The following ATF7IP2 variants were observed in gnomAD, a reference collection of about 807,000 sequenced individuals.
The protein encoded by ATF7IP2 is activating transcription factor 7-interacting protein 2.
ATF7IP2 carries 42 observed loss-of-function variants against 64.2 expected under a neutral mutation model. That is an observed-to-expected ratio of 0.65 (90% CI 0.51 to 0.85). The LOEUF is 0.85. Ranked by LOEUF, ATF7IP2 falls within the 40% of genes least tolerant of loss-of-function variation. The pLI is 0.00. For synonymous variants in ATF7IP2, 308 were observed against 272.8 expected (o/e 1.13, Z -1.27); for missense variants, 933 against 784.2 (o/e 1.19, Z -2.27).
At chr16:10,419,700 C>G (rs980814654) in intron 3 of ATF7IP2, 77 bp downstream of exon 3, 3 of 152,572 alleles carry the variant, frequency 2.0e-5, no homozygotes, top group African/African-American at 7.2e-5. Context: ...ATGGCTGCAA[C>G]TGGTGTGTGT....
At chr16:10,387,997 G>A (rs1214977277) in intron 1 of ATF7IP2, among the ~76,000 whole-genome samples, 3 of 151,974 alleles carry the variant, frequency 2.0e-5, no homozygotes, top group Admixed American at 2.0e-4. Flanking sequence ...CCTCCCTCCG[G>A]GTTCAAGTGA....
intron 8 of ATF7IP2, among the ~76,000 whole-genome samples, chr16:10,443,781 T>C (rs147791238): frequency 9.2e-5 from 14 of 152,092 alleles, no homozygotes; most frequent in Admixed American, 5.9e-4. Flanking sequence ...TCCTAAACCA[T>C]AGAGACAGCC....
rs142407824 is a variant in ATF7IP2, at chr16:10,423,649, G to A, written c.-160+4026G>A. On this transcript the variant is annotated intron_variant, in intron 3 of 13. Transcript: ENST00000562102. ...ACTCTTTTTCTTCAAAATAATGAGG[G>A]GGTGCAGAAGGGTAGGGACAAACCT... Among the ~76,000 whole-genome samples, 15 of 152,288 alleles carry A rather than the reference G, an allele frequency of 9.8e-5. No homozygotes were observed. The East Asian group carries it at 2.7e-3, about 27-fold the overall frequency.
intron 5 of ATF7IP2, among the ~76,000 whole-genome samples, chr16:10,431,816 A>C (rs377041250): frequency 1.6e-5 from 2 of 122,472 alleles, no homozygotes; most frequent in African/African-American, 6.5e-5. Context: ...TGGTAACCCT[A>C]TTTCTTTTTT....
intron 10 of ATF7IP2, among the ~76,000 whole-genome samples, chr16:10,473,015 C>T (rs953092915): frequency 6.6e-6 from 1 of 152,150 alleles, no homozygotes; most frequent in African/African-American, 2.4e-5. Flanking sequence ...AATTTTAAAG[C>T]TTTGCCTCCA....
chr16:10,389,632 T>C (rs901900139), intron 1 of ATF7IP2, among the ~76,000 whole-genome samples: 1 of 152,152 alleles, frequency 6.6e-6, no homozygotes, highest in Non-Finnish European at 1.5e-5. Context: ...CAAGAAACAG[T>C]ATGAAAATAT....
intron 6 of ATF7IP2, among the ~76,000 whole-genome samples, chr16:10,434,045 TCAC>T (rs1158417337): frequency 6.6e-6 from 1 of 152,072 alleles, no homozygotes; most frequent in Admixed American, 6.5e-5. Context: ...TTTGTAGATC[TCAC>T]CACAACCCAG....
intron 1 of ATF7IP2, among the ~76,000 whole-genome samples, chr16:10,406,189 T>C (rs2047635893): frequency 6.6e-6 from 1 of 152,044 alleles, no homozygotes; most frequent in African/African-American, 2.4e-5. Flanking sequence ...CACCACAGCC[T>C]CGACCTCCAC....
intron 9 of ATF7IP2, among the ~76,000 whole-genome samples, chr16:10,466,442 C>T (rs1567170242): frequency 6.6e-6 from 1 of 152,060 alleles, no homozygotes; most frequent in Non-Finnish European, 1.5e-5. Flanking sequence ...AGGTCTGATA[C>T]CACCAACCAG....
At chr16:10,466,340 T>C (rs1412049640) in intron 9 of ATF7IP2, among the ~76,000 whole-genome samples, 4 of 152,248 alleles carry the variant, frequency 2.6e-5, no homozygotes, top group Admixed American at 2.6e-4. Flanking sequence ...GAACATTCTT[T>C]TACATGTCTT....
intron 13 of ATF7IP2, 139 bp downstream of exon 13, chr16:10,481,103 T>C: frequency 3.2e-6 from 2 of 628,716 alleles, no homozygotes; most frequent in Non-Finnish European, 5.6e-6. Flanking sequence ...TACTTATTTA[T>C]ACAATTAAAA....
At chr16:10,461,997 C>G (rs2049389220) in intron 9 of ATF7IP2, among the ~76,000 whole-genome samples, 4 of 151,994 alleles carry the variant, frequency 2.6e-5, no homozygotes, top group South Asian at 4.1e-4. Flanking sequence ...ATGTATCTGT[C>G]TCTCTGTTAT....
At chr16:10,418,955 G>A (rs994701068) in intron 2 of ATF7IP2, among the ~76,000 whole-genome samples, 7 of 152,180 alleles carry the variant, frequency 4.6e-5, no homozygotes, top group Non-Finnish European at 1.0e-4. Flanking sequence ...GCCATGGCAC[G>A]CAGACTGAGA....
At chr16:10,425,054 A>ATTTT (rs59143669) in intron 3 of ATF7IP2, among the ~76,000 whole-genome samples, 1 of 132,190 alleles carries the variant, frequency 7.6e-6, no homozygotes, top group African/African-American at 2.9e-5. Context: ...TTTATATCAG[A>ATTTT]TTTTTTTTTT....
chr16:10,400,782 A>C (rs1175611572), intron 1 of ATF7IP2, among the ~76,000 whole-genome samples: 2 of 152,108 alleles, frequency 1.3e-5, no homozygotes, highest in Non-Finnish European at 2.9e-5. Context: ...CTTGGGTTCA[A>C]GTGATTCTTA....
At chr16:10,450,778 T>C (rs1292830788) in intron 8 of ATF7IP2, among the ~76,000 whole-genome samples, 1 of 152,206 alleles carries the variant, frequency 6.6e-6, no homozygotes, top group African/African-American at 2.4e-5. Context: ...AGTTTGCCAG[T>C]CTGTGTCTTT....
At chr16:10,398,686 A>G (rs768712912) in intron 1 of ATF7IP2, among the ~76,000 whole-genome samples, 1 of 152,184 alleles carries the variant, frequency 6.6e-6, no homozygotes, top group African/African-American at 2.4e-5. Context: ...ACACAGACAA[A>G]TACTATATGA....
chr16:10,428,392 A>G (rs2048135466), intron 3 of ATF7IP2, among the ~76,000 whole-genome samples: 1 of 152,190 alleles, frequency 6.6e-6, no homozygotes, highest in Non-Finnish European at 1.5e-5. Context: ...GGCCATAGTA[A>G]CAATATGTTC....
intron 3 of ATF7IP2, among the ~76,000 whole-genome samples, chr16:10,423,930 A>G (rs548569098): frequency 6.6e-6 from 1 of 152,232 alleles, no homozygotes; most frequent in South Asian, 2.1e-4. Context: ...CGGCACACGC[A>G]TAGAAATATA....
Sources: gnomAD v4.1 joint callset for allele counts (sites outside exome capture counted in the v4.1 genomes callset) on GRCh38, gnomAD v4.1.1 for gene constraint, MANE v1.5 for transcripts, NCBI Gene and HGNC (gene_info 2026-07-23, HGNC 2026-07-21) for gene names.